The following ACCSL variants were observed in gnomAD, a reference collection of about 807,000 sequenced individuals.
The protein encoded by ACCSL is probable inactive 1-aminocyclopropane-1-carboxylate synthase-like protein 2.
Under a neutral mutation model 61.7 loss-of-function variants are expected in ACCSL, and 55 were observed. That is an observed-to-expected ratio of 0.89 (90% CI 0.72 to 1.12). The LOEUF (loss-of-function observed/expected upper bound fraction) is 1.12. Ranked by LOEUF, ACCSL falls within the 50% of genes most tolerant of loss-of-function variation. ACCSL has a pLI of 0.00. For synonymous variants in ACCSL, 258 were observed against 264.3 expected (o/e 0.98, Z 0.23); for missense variants, 632 against 698.0 (o/e 0.91, Z 1.07).
chr11:44,050,473 C>T, intron 2 of ACCSL, 79 bp from the exon 3 acceptor site: 2 of 1,285,952 alleles, frequency 1.6e-6, no homozygotes, highest in Non-Finnish European at 2.2e-6. Context: ...AGGGCAAACA[C>T]TCATGTACAA....
the ACCSL span, among the ~76,000 whole-genome samples, chr11:43,927,665 G>A: frequency 8.3e-4 from 127 of 152,302 alleles, no homozygotes; most frequent in Middle Eastern, 3.4e-3. Context: ...GCCCAGATCC[G>A]GAAGGCTATG....
chr11:43,984,793 C>T, the ACCSL span, among the ~76,000 whole-genome samples: 3 of 152,256 alleles, frequency 2.0e-5, no homozygotes, highest in African/African-American at 7.2e-5. Context: ...CCTGTCACAG[C>T]CTTGCCCAGC....
chr11:44,052,189 A>T (rs1274998032), intron 5 of ACCSL, among the ~76,000 whole-genome samples: 1 of 152,266 alleles, frequency 6.6e-6, no homozygotes, highest in African/African-American at 2.4e-5. Flanking sequence ...AGAAGTGCTA[A>T]GATAGTCCCT....
chr11:43,932,376 T>G, the ACCSL span, among the ~76,000 whole-genome samples: 5 of 152,166 alleles, frequency 3.3e-5, no homozygotes, highest in Non-Finnish European at 7.4e-5. Flanking sequence ...CAAGCAATCC[T>G]CCTACCCTAG....
At chr11:44,012,000 A>T in the ACCSL span, among the ~76,000 whole-genome samples, 1 of 152,210 alleles carries the variant, frequency 6.6e-6, no homozygotes, top group Non-Finnish European at 1.5e-5. Flanking sequence ...ATCATTACTC[A>T]TGTGCTGATG....
At chr11:44,023,455 T>C in the ACCSL span, among the ~76,000 whole-genome samples, 4 of 152,194 alleles carry the variant, frequency 2.6e-5, no homozygotes, top group African/African-American at 9.6e-5. Flanking sequence ...GTTTCTGGTA[T>C]TCGCTTATGA....
intron 6 of ACCSL, 95 bp from the exon 7 acceptor site, chr11:44,052,896 T>C (rs1952648548): frequency 6.8e-7 from 1 of 1,468,990 alleles, no homozygotes; most frequent in African/African-American, 1.4e-5. Flanking sequence ...GGACTGGCAC[T>C]CTGGTATGAA....
the ACCSL span, among the ~76,000 whole-genome samples, chr11:43,927,587 C>G: frequency 6.6e-6 from 1 of 152,202 alleles, no homozygotes; most frequent in Admixed American, 6.5e-5. Flanking sequence ...GGGTGCAGTC[C>G]TGTAGCTAAA....
chr11:43,931,648 T>C, the ACCSL span, among the ~76,000 whole-genome samples: 13 of 152,344 alleles, frequency 8.5e-5, no homozygotes, highest in African/African-American at 2.9e-4. Flanking sequence ...CGTACTGCTC[T>C]GGGAAGATAC....
chr11:44,021,040 C>T, the ACCSL span, among the ~76,000 whole-genome samples: 1 of 152,002 alleles, frequency 6.6e-6, no homozygotes, highest in African/African-American at 2.4e-5. Flanking sequence ...GGTTGATGGG[C>T]ATTTAGGCTG....
the ACCSL span, among the ~76,000 whole-genome samples, chr11:44,017,393 A>G: frequency 2.1e-3 from 327 of 152,276 alleles, no homozygotes; most frequent in African/African-American, 7.6e-3. Context: ...CTCTGTGACT[A>G]TACTCCCTGT....
the ACCSL span, among the ~76,000 whole-genome samples, chr11:44,030,035 TGTTTGCTTG>T: frequency 2.3e-5 from 3 of 128,538 alleles, no homozygotes; most frequent in South Asian, 2.5e-4. Flanking sequence ...TTTTATTTTA[TGTTTGCTTG>T]TTTCTTTGGT....
the ACCSL span, among the ~76,000 whole-genome samples, chr11:43,988,665 C>T: frequency 1.3e-5 from 2 of 151,784 alleles, no homozygotes; most frequent in South Asian, 4.2e-4. Context: ...GGGTCTGTCA[C>T]CTACTTAAGC....
chr11:44,017,715 A>G, the ACCSL span, among the ~76,000 whole-genome samples: 1 of 152,180 alleles, frequency 6.6e-6, no homozygotes, highest in African/African-American at 2.4e-5. Context: ...TGGGCATCAT[A>G]AGAGCTCCTG....
chr11:44,038,338 C>T, the ACCSL span, among the ~76,000 whole-genome samples: 1 of 152,134 alleles, frequency 6.6e-6, no homozygotes, highest in African/African-American at 2.4e-5. Flanking sequence ...CACTGCCTAC[C>T]TGTTGTGTTT....
chr11:44,022,087 G>C, the ACCSL span, among the ~76,000 whole-genome samples: 1 of 151,654 alleles, frequency 6.6e-6, no homozygotes, highest in Non-Finnish European at 1.5e-5. Context: ...TAGTTTTGCT[G>C]TAGCTATGAG....
chr11:43,968,438 G>A, the ACCSL span, among the ~76,000 whole-genome samples: 16 of 151,500 alleles, frequency 1.1e-4, no homozygotes, highest in East Asian at 1.9e-4. Context: ...GCTTTTGCCC[G>A]TCTTTATGTG....
chr11:44,032,843 A>ATGTGG, the ACCSL span, among the ~76,000 whole-genome samples: 1 of 152,102 alleles, frequency 6.6e-6, no homozygotes, highest in Non-Finnish European at 1.5e-5. Flanking sequence ...GAACTCACAA[A>ATGTGG]TGTGGTATGA....
chr11:44,040,978 C>T, the ACCSL span, among the ~76,000 whole-genome samples: 1 of 152,162 alleles, frequency 6.6e-6, no homozygotes, highest in South Asian at 2.1e-4. Flanking sequence ...TTCATTGAGC[C>T]TCTGTTTTCT....
Sources: allele counts gnomAD v4.1 joint callset (sites outside exome capture counted in the v4.1 genomes callset), GRCh38; gene constraint gnomAD v4.1.1; transcripts MANE v1.5; gene names NCBI Gene and HGNC (gene_info 2026-07-23, HGNC 2026-07-21).